Variants in SH3GL3 observed in about 807,000 individuals in gnomAD.
The protein encoded by SH3GL3 is SH3 domain containing GRB2 like 3, endophilin A3, also known as endophilin-A3.
In SH3GL3, 33 loss-of-function variants were observed where a neutral mutation model predicts 47.7. The observed-to-expected ratio is 0.69, with a 90% CI of 0.52 to 0.92. The LOEUF (loss-of-function observed/expected upper bound fraction) is 0.92. Among genes scored for constraint, SH3GL3 ranks in the 40% least tolerant of loss-of-function variants. The pLI, the probability that SH3GL3 is intolerant of heterozygous loss-of-function variation, is 0.00. For missense variants in SH3GL3, 363 were observed against 417.8 expected (o/e 0.87, Z 1.14); for synonymous variants, 155 against 148.8 (o/e 1.04, Z -0.30).
intron 1 of SH3GL3, among the ~76,000 whole-genome samples, chr15:83,456,503 G>A (rs556515478): frequency 1.5e-4 from 11 of 74,438 alleles, no homozygotes; most frequent in East Asian, 1.2e-3. Context: ...GTGGGATATA[G>A]TCTCGTGGTG....
chr15:83,624,870 A>G, the SH3GL3 span, among the ~76,000 whole-genome samples: 1 of 152,146 alleles, frequency 6.6e-6, no homozygotes, highest in Non-Finnish European at 1.5e-5. Flanking sequence ...GAACCTTTGG[A>G]CTTGGAGTGA....
At chr15:83,502,208 G>A (rs2042325460) in intron 1 of SH3GL3, among the ~76,000 whole-genome samples, 1 of 152,264 alleles carries the variant, frequency 6.6e-6, no homozygotes, top group African/African-American at 2.4e-5. Context: ...TGGGTGGGAT[G>A]CATTCCCCTC....
intron 1 of SH3GL3, among the ~76,000 whole-genome samples, chr15:83,536,377 C>CCTTTTT (rs2043903259): frequency 7.4e-6 from 1 of 135,862 alleles, no homozygotes; most frequent in Non-Finnish European, 1.6e-5. Context: ...CTTGATTCTG[C>CCTTTTT]CTTTTTCTTT....
At chr15:83,508,837 G>T (rs763143774) in intron 1 of SH3GL3, among the ~76,000 whole-genome samples, 5 of 152,096 alleles carry the variant, frequency 3.3e-5, no homozygotes, top group Non-Finnish European at 5.9e-5. Context: ...CTCGTGATCC[G>T]CTTGCTTCAG....
intron 1 of SH3GL3, among the ~76,000 whole-genome samples, chr15:83,515,280 G>T (rs1043212332): frequency 1.3e-5 from 2 of 152,216 alleles, no homozygotes; most frequent in African/African-American, 4.8e-5. Flanking sequence ...GCATTTCAAA[G>T]AATTGTCCTC....
chr15:83,594,012 A>G (rs1054941655), intron 8 of SH3GL3, among the ~76,000 whole-genome samples: 2 of 151,978 alleles, frequency 1.3e-5, no homozygotes, highest in Admixed American at 1.3e-4. Context: ...AGAGATGAGG[A>G]TTCACCCTGT....
chr15:83,632,889 G>C, the SH3GL3 span, among the ~76,000 whole-genome samples: 314 of 152,256 alleles, frequency 2.1e-3, 9 homozygotes, highest in East Asian at 0.053. Flanking sequence ...ATGGTCAAAA[G>C]ATTTGGAGAG....
intron 2 of SH3GL3, among the ~76,000 whole-genome samples, chr15:83,564,117 A>G (rs1351855224): frequency 6.6e-6 from 1 of 152,192 alleles, no homozygotes; most frequent in East Asian, 1.9e-4. Context: ...TTCCCACTCC[A>G]GTATTTCAAA....
chr15:83,629,574 C>A, the SH3GL3 span, among the ~76,000 whole-genome samples: 28 of 152,196 alleles, frequency 1.8e-4, no homozygotes, highest in African/African-American at 6.0e-4. Context: ...AAACCCAGCA[C>A]TTTGGGAGTC....
In SH3GL3 at chr15:83,588,699, A is replaced by G. The variant is rs1474761474; in HGVS notation, c.766A>G (p.Lys256Glu). 6.2e-7 allele frequency: 1 copy of G among 1,613,026 alleles called. No homozygotes were observed. The highest frequency in any genetic ancestry group is 2.2e-5 in the East Asian group (1 of 44,876). ...AASSVPRREY[K>E]PRPVKRSSSE... ...ATCCAGTGTCCCCAGACGAGAATAC[A>G]AGCCAAGGCCTGTGAAAAGGAGTTC... The change falls in exon 8 of 9, where the codon AAG becomes GAG. Residue 256 changes from lysine to glutamate, a missense_variant. Lys to Glu is a moderately conservative substitution (Grantham distance 56). Transcript: ENST00000427482.
intron 1 of SH3GL3, among the ~76,000 whole-genome samples, chr15:83,468,392 A>G (rs2040674714): frequency 6.6e-6 from 1 of 152,186 alleles, no homozygotes; most frequent in Admixed American, 6.5e-5. Flanking sequence ...TAGAACTTCC[A>G]GCATTATTTG....
chr15:83,592,332 T>C (rs963828069), intron 8 of SH3GL3, among the ~76,000 whole-genome samples: 1 of 152,208 alleles, frequency 6.6e-6, no homozygotes, highest in Non-Finnish European at 1.5e-5. Flanking sequence ...CATGTGGGAC[T>C]CTTAAAATGC....
chr15:83,611,244 G>GTCTC (rs35606421), intron 8 of SH3GL3, among the ~76,000 whole-genome samples: 17,723 of 149,246 alleles, frequency 0.12, 1,333 homozygotes, highest in Admixed American at 0.23. Context: ...TTGTGGTAGG[G>GTCTC]TCTCTCTCTC....
intron 8 of SH3GL3, among the ~76,000 whole-genome samples, chr15:83,601,360 A>T (rs1220528202): frequency 6.6e-6 from 1 of 152,134 alleles, no homozygotes; most frequent in Non-Finnish European, 1.5e-5. Context: ...TATTACATTG[A>T]GGTATGTCCC....
intron 1 of SH3GL3, among the ~76,000 whole-genome samples, chr15:83,469,700 A>C (rs552320522): frequency 1.9e-4 from 29 of 151,886 alleles, no homozygotes; most frequent in South Asian, 4.2e-4. Flanking sequence ...AGTTCTTTTA[A>C]ATTTGTTGAG....
chr15:83,548,373 T>A (rs1019727060), intron 1 of SH3GL3, among the ~76,000 whole-genome samples: 4 of 149,468 alleles, frequency 2.7e-5, no homozygotes, highest in African/African-American at 9.8e-5. Flanking sequence ...TCCATTTATA[T>A]ATATTTATAT....
chr15:83,610,287 A>G (rs890636296), intron 8 of SH3GL3, among the ~76,000 whole-genome samples: 4 of 152,220 alleles, frequency 2.6e-5, no homozygotes, highest in Admixed American at 6.5e-5. Context: ...CTGTAATTCC[A>G]TCACTTTGAG....
intron 1 of SH3GL3, among the ~76,000 whole-genome samples, chr15:83,479,170 G>C (rs543792292): frequency 6.6e-6 from 1 of 152,168 alleles, no homozygotes; most frequent in Non-Finnish European, 1.5e-5. Context: ...AGTATATTTG[G>C]GATTGACTCT....
At chr15:83,567,373 C>T (rs1174323173) in intron 3 of SH3GL3, among the ~76,000 whole-genome samples, 2 of 152,150 alleles carry the variant, frequency 1.3e-5, no homozygotes, top group Non-Finnish European at 2.9e-5. Flanking sequence ...TTCTGCCTCC[C>T]AGTAACTAGA....
Sources: allele counts gnomAD v4.1 joint callset (sites outside exome capture counted in the v4.1 genomes callset), GRCh38; gene constraint gnomAD v4.1.1; transcripts MANE v1.5; gene names NCBI Gene and HGNC (gene_info 2026-07-23, HGNC 2026-07-21).